Variants in EVC2 observed in about 807,000 individuals in gnomAD.
EVC2 encodes EvC ciliary complex subunit 2, also known as limbin.
A neutral mutation model predicts 149.3 loss-of-function variants in EVC2; 148 were observed. The observed-to-expected ratio is 0.99, with a 90% CI of 0.87 to 1.14. The LOEUF is 1.14. EVC2 is among the 50% of genes most tolerant of loss of function. EVC2 has a pLI of 0.00. For missense variants in EVC2, 1,854 were observed against 1,627.3 expected (o/e 1.14, Z -2.40); for synonymous variants, 776 against 649.9 (o/e 1.19, Z -2.95).
chr4:5,538,815 C>G (rs910781437), downstream of EVC2, among the ~76,000 whole-genome samples: 2 of 152,096 alleles, frequency 1.3e-5, no homozygotes, highest in Non-Finnish European at 2.9e-5. Context: ...TAAAGGGAAA[C>G]TTCCATACAG....
intron 9 of EVC2, among the ~76,000 whole-genome samples, chr4:5,655,407 G>A (rs1718450908): frequency 1.3e-5 from 2 of 152,142 alleles, no homozygotes; most frequent in African/African-American, 2.4e-5. Flanking sequence ...GGATTCAAGG[G>A]TCCATGAGGA....
At chr4:5,628,794 T>C (rs1716322215) in intron 11 of EVC2, 60 bp from the exon 12 acceptor site, 2 of 1,485,086 alleles carry the variant, frequency 1.3e-6, no homozygotes, top group African/African-American at 1.4e-5. Flanking sequence ...GCATAATCTT[T>C]CTAGACATTT....
chr4:5,597,096 T>C (rs1363782843), intron 16 of EVC2, among the ~76,000 whole-genome samples: 5 of 151,458 alleles, frequency 3.3e-5, no homozygotes, highest in Admixed American at 1.3e-4. Context: ...CCAAAAAGAG[T>C]CCAGGACCAG....
At chr4:5,660,008 TTAATA>T (rs1456928033) in intron 9 of EVC2, among the ~76,000 whole-genome samples, 7 of 152,234 alleles carry the variant, frequency 4.6e-5, no homozygotes, top group South Asian at 2.1e-4. Context: ...CTCACATCAC[TTAATA>T]TAATAAGTGA....
At chr4:5,602,164 G>A (rs1714031892) in intron 16 of EVC2, among the ~76,000 whole-genome samples, 2 of 151,804 alleles carry the variant, frequency 1.3e-5, no homozygotes, top group African/African-American at 2.4e-5. Context: ...GTGCATGCCT[G>A]TAATCCCAGC....
chr4:5,679,360 C>G lies in EVC2; in HGVS notation c.870+1900G>C, dbSNP rs1342355401. ...AAGCAATTCGCATGTCTCAGTCTCC[C>G]GAGTAGCTGGAATCACAGACACGCA... On this transcript the variant is annotated intron_variant, in intron 7 of 21. Transcript: ENST00000344408. The surrounding 1 kb of genome is among the most constrained non-coding windows in gnomAD (Gnocchi z 5.1). 6.6e-6 allele frequency among the ~76,000 whole-genome samples: 1 copy of G among 152,064 alleles called. No homozygotes were observed. Among genetic ancestry groups the G allele is most frequent in the Admixed American group, 6.6e-5 (1 of 15,260 alleles).
rs942681286 is a variant in EVC2 at position 5,574,732 on chromosome 4, A to C, written c.3313T>G (p.Leu1105Val). Reference protein sequence around the residue: ...EQQNSVVLEDLLENMEADTFA... With the variant: ...EQQNSVVLEDVLENMEADTFA... Reference sequence around the variant, plus strand: ...GTGTCTGCCTCCATGTTTTCCAACAAGTCTTCTAGCACGACACTGTTCTGT... The same window carrying C: ...GTGTCTGCCTCCATGTTTTCCAACACGTCTTCTAGCACGACACTGTTCTGT... Residue 1105 changes from leucine to valine, a missense_variant, in exon 19 of 22, where the codon TTG becomes GTG. Coordinates refer to ENST00000344408, the MANE Select transcript of EVC2 (RefSeq NM_147127.5). The C allele has an allele frequency of 4.3e-6, 7 of 1,614,218 alleles. No individual in the cohort carries two copies. The highest frequency in any genetic ancestry group is 5.9e-6 in the Non-Finnish European group (7 of 1,180,022).
Position 5,618,948 on chromosome 4 carries a change from G to A in EVC2, c.2502-266C>T, listed in dbSNP as rs1376060833. On this transcript the variant is annotated intron_variant, in intron 14 of 21. Coordinates refer to ENST00000344408, the MANE Select transcript of EVC2 (RefSeq NM_147127.5). The surrounding 1 kb of genome is among the most constrained non-coding windows in gnomAD (Gnocchi z 4.4). ...CTTTGAGGAGGCAACAGGCCTTCCAGTGCCCACGACCTTGCAATTAACCTG... is the reference window on the plus strand; with the variant it reads ...CTTTGAGGAGGCAACAGGCCTTCCAATGCCCACGACCTTGCAATTAACCTG... Among the ~76,000 whole-genome samples, 1 of 152,192 alleles carries A rather than the reference G, an allele frequency of 6.6e-6. No individual in the cohort carries two copies. The highest frequency in any genetic ancestry group is 1.5e-5 in the Non-Finnish European group (1 of 68,036).
At chr4:5,547,199 A>G (rs1192665294) in intron 21 of EVC2, among the ~76,000 whole-genome samples, 1 of 152,186 alleles carries the variant, frequency 6.6e-6, no homozygotes, top group Non-Finnish European at 1.5e-5. Flanking sequence ...AGGTGTGCAC[A>G]CACTTTGGGC....
At chr4:5,655,199 G>A (rs528282899) in intron 9 of EVC2, among the ~76,000 whole-genome samples, 4 of 152,160 alleles carry the variant, frequency 2.6e-5, no homozygotes, top group African/African-American at 7.2e-5. Flanking sequence ...GTCATGTCAG[G>A]TGCTGCGCAG....
intron 5 of EVC2, 32 bp from the exon 6 acceptor site, chr4:5,685,511 A>G (rs1249042515): frequency 6.2e-7 from 1 of 1,601,772 alleles, no homozygotes; most frequent in African/African-American, 1.3e-5. Flanking sequence ...TGACTCAGGG[A>G]GGGCTTGGCC....
At position 5,663,153 on chromosome 4, in the gene EVC2, T is replaced by G. The variant is rs745388254; in HGVS notation, c.1099A>C (p.Ile367Leu). ...CTCCCAGGGTCCTCGGAAGACAGAA[T>G]GTCTATCATTTGGTCGTTAAGGGAA... is the stretch of plus-strand genomic sequence containing the variant. ...DLSLNDQMID[I>L]LSSEDPGSML... Residue 367 changes from isoleucine (I) to leucine (L), a missense_variant, in exon 9 of 22, where the codon ATT (isoleucine) becomes CTT (leucine). Ile to Leu is a conservative substitution (Grantham distance 5). Coordinates refer to ENST00000344408, the MANE Select transcript of EVC2 (RefSeq NM_147127.5). The G allele has an allele frequency of 6.2e-7, 1 of 1,614,224 alleles. No individual in the cohort carries two copies. Among genetic ancestry groups the G allele is most frequent in the Non-Finnish European group, 8.5e-7 (1 of 1,180,036 alleles).
At chr4:5,592,187 T>C (rs1577128395) in intron 16 of EVC2, among the ~76,000 whole-genome samples, 1 of 152,104 alleles carries the variant, frequency 6.6e-6, no homozygotes, top group East Asian at 1.9e-4. Flanking sequence ...TCCAAACAAA[T>C]TCACAATCCC....
intron 2 of EVC2, among the ~76,000 whole-genome samples, chr4:5,695,814 T>A (rs1721439814): frequency 6.6e-6 from 1 of 152,178 alleles, no homozygotes; most frequent in Non-Finnish European, 1.5e-5. Context: ...AGCATATTGA[T>A]GGTAAAGACT....
intron 4 of EVC2, among the ~76,000 whole-genome samples, chr4:5,690,718 T>C (rs1721066243): frequency 6.6e-6 from 1 of 152,210 alleles, no homozygotes; most frequent in African/African-American, 2.4e-5. Context: ...CGGAAGCTCA[T>C]GCCTGGTCTC....
At chr4:5,598,417 T>C (rs1287662655) in intron 16 of EVC2, among the ~76,000 whole-genome samples, 1 of 151,364 alleles carries the variant, frequency 6.6e-6, no homozygotes, top group African/African-American at 2.4e-5. Flanking sequence ...TAATGCCGCA[T>C]ATCTACAACT....
intron 20 of EVC2, among the ~76,000 whole-genome samples, 163 bp from the exon 21 acceptor site, chr4:5,565,522 A>T (rs1337927259): frequency 2.0e-5 from 3 of 151,928 alleles, no homozygotes; most frequent in Admixed American, 6.6e-5. Context: ...AAATACAAAA[A>T]TTAGCAGGGC....
intron 4 of EVC2, 116 bp downstream of exon 4, chr4:5,691,149 G>A (rs1577259413): frequency 2.2e-6 from 2 of 896,220 alleles, no homozygotes; most frequent in East Asian, 4.8e-5. Flanking sequence ...CATGTGTCTA[G>A]ACTTGTGTAG....
intron 5 of EVC2, among the ~76,000 whole-genome samples, chr4:5,685,770 C>T (rs769193564): frequency 2.6e-5 from 4 of 152,228 alleles, no homozygotes; most frequent in Non-Finnish European, 5.9e-5. Context: ...GGCTGGCTCT[C>T]CTAGCCCTTT....
Sources: allele counts gnomAD v4.1 joint callset (sites outside exome capture counted in the v4.1 genomes callset), GRCh38; gene constraint gnomAD v4.1.1; non-coding constraint Gnocchi (gnomAD v3.1); transcripts MANE v1.5; gene names NCBI Gene and HGNC (gene_info 2026-07-23, HGNC 2026-07-21).